HSPG2: variants seen among roughly 807,000 people sequenced by gnomAD.
HSPG2 encodes the protein basement membrane-specific heparan sulfate proteoglycan core protein.
In HSPG2, 278 loss-of-function variants were observed where a neutral mutation model predicts 526.6. The observed-to-expected ratio is 0.53, with a 90% CI of 0.48 to 0.58. HSPG2 has a LOEUF of 0.58. HSPG2 is among the 20% of genes least tolerant of loss of function. HSPG2 has a pLI of 0.00. For synonymous variants in HSPG2, 2,465 were observed against 2,555.4 expected (o/e 0.96, Z 1.07); for missense variants, 5,354 against 6,099.5 (o/e 0.88, Z 4.07).
Position 21,872,702 on chromosome 1 carries a change from GCACT to G in HSPG2, c.3943_3946del (p.Ser1315ProfsTer28), listed in dbSNP as rs1240495653. The G allele has an allele frequency of 6.2e-7, 1 of 1,609,108 alleles. No individual in the cohort carries two copies. Among genetic ancestry groups the G allele is most frequent in the African/African-American group, 1.3e-5 (1 of 75,032 alleles). ...GGGCAGGCAGCCGTCTGGGTTGCTGGCACTCAGGTGGAAGTGGTGGGGCCGGCAG... is the reference window on the plus strand; with the variant it reads ...GGGCAGGCAGCCGTCTGGGTTGCTGGCAGGTGGAAGTGGTGGGGCCGGCAG... On this transcript the variant is annotated frameshift_variant, in exon 32 of 97. Transcript: ENST00000374695. LOFTEE classifies it high-confidence loss of function. The surrounding 1 kb of genome is among the most constrained non-coding windows in gnomAD (Gnocchi z 5.5).
intron 6 of HSPG2, among the ~76,000 whole-genome samples, 169 bp from the exon 7 acceptor site, chr1:21,888,235 C>T (rs376111913): frequency 2.0e-5 from 3 of 152,226 alleles, no homozygotes; most frequent in South Asian, 2.1e-4. Context: ...CCACAGCACA[C>T]GTGGGGCATG....
Position 21,834,994 on chromosome 1 carries a change from T to C in HSPG2, c.10454-49A>G, listed in dbSNP as rs758471086. 1.9e-6 allele frequency: 3 copies of C among 1,601,822 alleles called. No homozygotes were observed. In the South Asian group the frequency reaches 3.3e-5, roughly 18 times the overall value. ...CCAGTGAGATCAGTCACTGCAGGCC[T>C]GGCCCGAGGGAGGCCATAGACTGCC... On this transcript the variant is annotated intron_variant, in intron 76 of 96. Coordinates refer to ENST00000374695, the MANE Select transcript of HSPG2 (RefSeq NM_005529.7).
chr1:21,828,558 C>G lies in HSPG2; in HGVS notation c.12238-132G>C. The G allele has an allele frequency of 9.9e-7, 1 of 1,007,408 alleles. No homozygotes were observed. Among genetic ancestry groups the G allele is most frequent in the South Asian group, 1.5e-5 (1 of 68,298 alleles). 62.4% of individuals were successfully genotyped at this position (1,007,408 alleles called of 1,614,324 possible). ...GGCCCTGAGTGGTAGCATGGATTCT[C>G]GGTGTGGGGAGGGAGGCGCAGGAGT... On this transcript the variant is annotated intron_variant, in intron 88 of 96. Transcript: ENST00000374695. This position sits in a 1 kb window ranked among gnomAD's most constrained non-coding sequence, Gnocchi z 6.0.
chr1:21,908,761 A>C (rs537438769), intron 1 of HSPG2, among the ~76,000 whole-genome samples: 118 of 152,318 alleles, frequency 7.7e-4, no homozygotes, highest in African/African-American at 2.7e-3. Flanking sequence ...TGACACTCTA[A>C]AACATTAGGA....
intron 1 of HSPG2, among the ~76,000 whole-genome samples, chr1:21,923,585 T>C (rs1230335457): frequency 6.6e-6 from 1 of 152,086 alleles, no homozygotes; most frequent in Non-Finnish European, 1.5e-5. Flanking sequence ...TCCCACAGGC[T>C]CACTGCAAGG....
At chr1:21,862,914 G>A (rs866728733) in intron 37 of HSPG2, among the ~76,000 whole-genome samples, 4 of 151,380 alleles carry the variant, frequency 2.6e-5, no homozygotes, top group Admixed American at 1.3e-4. Context: ...ACAAAAATTC[G>A]CCAGGCATGG....
chr1:21,874,105 A>G, intron 28 of HSPG2, 94 bp from the exon 29 acceptor site: 1 of 1,147,826 alleles, frequency 8.7e-7, no homozygotes, highest in South Asian at 1.4e-5. Context: ...GAGGGGAAGA[A>G]CAGGCATGTG....
At position 21,874,511 on chromosome 1, in the gene HSPG2, C is replaced by T. The variant is rs138804377; in HGVS notation, c.3551G>A (p.Gly1184Asp). The T allele has an allele frequency of 4.7e-5, 76 of 1,613,342 alleles. No individual in the cohort carries two copies. The highest frequency in any genetic ancestry group is 6.4e-5 in the Non-Finnish European group (75 of 1,179,958). The change falls in exon 28 of 97, where the codon GGC (glycine) becomes GAC (aspartate). Residue 1184 changes from glycine to aspartate, a missense_variant. By Grantham distance (94) the Gly-to-Asp change is moderately conservative (BLOSUM62 -1). Transcript: ENST00000374695. The stretch of plus-strand genomic sequence containing the variant: ...TGGCTGGCACTGCTCACACCGAGGG[C>T]CCTCCGTGTGATGCTGGCAGCCCTG... ...ACQGCQHHTE[G>D]PRCEQCQPGY...
intron 42 of HSPG2, among the ~76,000 whole-genome samples, chr1:21,857,661 A>C (rs1320799106): frequency 6.6e-6 from 1 of 152,050 alleles, no homozygotes; most frequent in African/African-American, 2.4e-5. Flanking sequence ...TGAGCTCCTG[A>C]CACATCACAC....
chr1:21,884,248 G>A (rs1397354942), intron 13 of HSPG2, among the ~76,000 whole-genome samples: 1 of 152,172 alleles, frequency 6.6e-6, no homozygotes, highest in African/African-American at 2.4e-5. Flanking sequence ...CAGGACACAG[G>A]TGGACAGCGT....
Position 21,830,036 on chromosome 1 carries a change from G to T in HSPG2, c.11727C>A (p.Thr3909=), listed in dbSNP as rs144868965. The T allele has an allele frequency of 1.1e-5, 17 of 1,607,688 alleles. No individual in the cohort carries two copies. The highest frequency in any genetic ancestry group is 1.4e-5 in the Non-Finnish European group (17 of 1,178,168). Reference sequence around the variant, plus strand: ...CCGAGCGGCCCAGGTGGCAGCGGCAGGTGTAGCCTCGACCGTCAGGCCGGT... The same window carrying T: ...CCGAGCGGCCCAGGTGGCAGCGGCATGTGTAGCCTCGACCGTCAGGCCGGT... ...CVNRPDGRGY[T]CRCHLGRSGL... Residue 3909 remains threonine, a synonymous_variant, in exon 86 of 97, where the codon ACC becomes ACA. Coordinates refer to ENST00000374695, the MANE Select transcript of HSPG2 (RefSeq NM_005529.7).
rs62642501 is a variant in HSPG2 at position 21,830,078 on chromosome 1, G to A, written c.11685C>T (p.Pro3895=). Residue 3895 remains proline, a synonymous_variant, in exon 86 of 97, where the codon CCC becomes CCT. Coordinates refer to ENST00000374695, the MANE Select transcript of HSPG2 (RefSeq NM_005529.7). ...ALHCHPEACG[P]DATCVNRPDG... ...CAGGCCGGTTCACACAGGTGGCGTC[G>A]GGCCCACAGGCCTCTGGGGGGCACA... is the stretch of plus-strand genomic sequence containing the variant. 1.3e-5 allele frequency: 20 copies of A among 1,597,682 alleles called. No homozygotes were observed. Among genetic ancestry groups the A allele is most frequent in the Admixed American group, 5.2e-5 (3 of 57,982 alleles).
At chr1:21,900,882 T>TA (rs551242963) in intron 1 of HSPG2, among the ~76,000 whole-genome samples, 340 of 149,264 alleles carry the variant, frequency 2.3e-3, no homozygotes, top group Non-Finnish European at 3.1e-3. Context: ...AAGACTCTGT[T>TA]AAAAAAAAAA....
chr1:21,852,332 C>T lies in HSPG2; in HGVS notation c.6725-99G>A. ...GCTAGCTCAGCCCAGGGTTTCAAGG[C>T]CAGATCCAGCTTTTCAGGCATCTGG... On this transcript the variant is annotated intron_variant, in intron 52 of 96. Coordinates refer to ENST00000374695, the MANE Select transcript of HSPG2 (RefSeq NM_005529.7). 2.1e-6 allele frequency: 3 copies of T among 1,458,736 alleles called. No homozygotes were observed. The South Asian group carries it at 3.5e-5, about 17-fold the overall frequency. The allele number at this position is 1,458,736 out of a possible 1,614,324, so 90.4% of individuals were successfully genotyped here.
rs372722193 is a variant in HSPG2 at position 21,847,852 on chromosome 1, C to T, written c.7874-12G>A. 3.7e-4 allele frequency: 600 copies of T among 1,613,772 alleles called. 1 individual carries two copies. The highest frequency in any genetic ancestry group is 4.7e-4 in the Non-Finnish European group (559 of 1,180,028). Reference sequence around the variant, plus strand: ...GGAGACGCTGGGCACTGGGGACAGACGGGTGTGGACCACGCAGCCAGAGTG... The same window carrying T: ...GGAGACGCTGGGCACTGGGGACAGATGGGTGTGGACCACGCAGCCAGAGTG... On this transcript the variant is annotated splice_polypyrimidine_tract_variant and intron_variant, in intron 60 of 96. Coordinates refer to ENST00000374695, the MANE Select transcript of HSPG2 (RefSeq NM_005529.7). The surrounding 1 kb of genome is among the most constrained non-coding windows in gnomAD (Gnocchi z 4.1).
chr1:21,850,448 GC>G lies in HSPG2; in HGVS notation c.7208del (p.Gly2403AlafsTer14). The G allele has an allele frequency of 6.2e-7, 1 of 1,612,160 alleles. No individual in the cohort carries two copies. Among genetic ancestry groups the G allele is most frequent in the East Asian group, 2.2e-5 (1 of 44,820 alleles). On this transcript the variant is annotated frameshift_variant, in exon 56 of 97. Coordinates refer to ENST00000374695, the MANE Select transcript of HSPG2 (RefSeq NM_005529.7). LOFTEE classifies it high-confidence loss of function. ...TGCCCAACACTCGGCACACGTACTC[GC>G]CCGAGTCGGCGGGGGACGCTTGGTA... ...RLYQASPADS[G>X]EYVCRVLGSS... is the part of the protein sequence containing the mutation.
At chr1:21,932,331 A>C (rs1318718756) in intron 1 of HSPG2, among the ~76,000 whole-genome samples, 1 of 152,224 alleles carries the variant, frequency 6.6e-6, no homozygotes, top group Non-Finnish European at 1.5e-5. Context: ...CTTGGCTTGC[A>C]GCATCTCTGA....
rs2097963390 is a variant in HSPG2, at chr1:21,824,498, C to T, written c.12744+39G>A. Reference sequence around the variant, plus strand: ...GCCACCAGGAAGCCAGCTTCCTGCCCCAGGAGCCCCAAGAGCCCAGCCGGA... The same window carrying T: ...GCCACCAGGAAGCCAGCTTCCTGCCTCAGGAGCCCCAAGAGCCCAGCCGGA... On this transcript the variant is annotated intron_variant, in intron 93 of 96. Coordinates refer to ENST00000374695, the MANE Select transcript of HSPG2 (RefSeq NM_005529.7). This position sits in a 1 kb window ranked among gnomAD's most constrained non-coding sequence, Gnocchi z 5.9. 1 of 1,609,628 alleles carries T rather than the reference C, an allele frequency of 6.2e-7. No homozygotes were observed. The highest frequency in any genetic ancestry group is 8.5e-7 in the Non-Finnish European group (1 of 1,177,806).
Position 21,855,404 on chromosome 1 carries a change from T to G in HSPG2, c.5897A>C (p.Gln1966Pro). 6.2e-7 allele frequency: 1 copy of G among 1,613,148 alleles called. No individual in the cohort carries two copies. The highest frequency in any genetic ancestry group is 8.5e-7 in the Non-Finnish European group (1 of 1,179,842). Residue 1966 changes from glutamine (Q) to proline (P), a missense_variant, in exon 47 of 97, where the codon CAG becomes CCG. Gln to Pro is a moderately conservative substitution (Grantham distance 76, BLOSUM62 -1). Coordinates refer to ENST00000374695, the MANE Select transcript of HSPG2 (RefSeq NM_005529.7). ...CCTGACGGTGCGGCCTGCGTGGACC[T>G]GGGTCCTCTCTGGGCTCACTTGGAC... ...PRVQVSPERT[Q>P]VHAGRTVRLY... is the part of the protein sequence containing the mutation.
Sources: allele counts gnomAD v4.1 joint callset (sites outside exome capture counted in the v4.1 genomes callset), GRCh38; gene constraint gnomAD v4.1.1; non-coding constraint Gnocchi (gnomAD v3.1); transcripts MANE v1.5; gene names NCBI Gene and HGNC (gene_info 2026-07-23, HGNC 2026-07-21).